Variants in SEC22A observed in about 807,000 individuals in gnomAD.
SEC22A encodes the protein SEC22 homolog A, vesicle trafficking protein.
SEC22A carries 22 observed loss-of-function variants against 35.3 expected under a neutral mutation model. That is an observed-to-expected ratio of 0.62 (90% CI 0.45 to 0.89). The LOEUF is 0.89. SEC22A is among the 40% of genes least tolerant of loss of function. SEC22A has a pLI of 0.00. For missense variants in SEC22A, 354 were observed against 362.5 expected, an observed-to-expected ratio of 0.98 and a Z score of 0.19; for synonymous variants, 119 against 129.5, an observed-to-expected ratio of 0.92 and a Z score of 0.55.
chr3:123,214,168 C>A (rs1456221097), intron 2 of SEC22A, among the ~76,000 whole-genome samples: 2 of 152,188 alleles, frequency 1.3e-5, no homozygotes, highest in East Asian at 3.9e-4. Context: ...GCACTCCAGC[C>A]TGGGCAACAG....
chr3:123,241,496 T>C (rs1315876211), intron 4 of SEC22A, among the ~76,000 whole-genome samples: 4 of 152,212 alleles, frequency 2.6e-5, no homozygotes, highest in African/African-American at 9.6e-5. Flanking sequence ...TAAGGACTAT[T>C]CTGGGACTTT....
At chr3:123,232,394 G>A (rs1030865437) in intron 4 of SEC22A, among the ~76,000 whole-genome samples, 1 of 152,130 alleles carries the variant, frequency 6.6e-6, no homozygotes, top group African/African-American at 2.4e-5. Flanking sequence ...TGGTAATGAT[G>A]CAAGAAGATA....
intron 1 of SEC22A, among the ~76,000 whole-genome samples, chr3:123,202,434 A>G (rs1936765984): frequency 6.6e-6 from 1 of 152,196 alleles, no homozygotes; most frequent in African/African-American, 2.4e-5. Flanking sequence ...TCTTTTAGGC[A>G]GAATGGGACT....
chr3:123,234,615 TG>T (rs1435940343), intron 4 of SEC22A, among the ~76,000 whole-genome samples: 2 of 147,608 alleles, frequency 1.4e-5, no homozygotes, highest in African/African-American at 2.5e-5. Context: ...TTAATTAAAA[TG>T]TATCAAAAAC....
intron 6 of SEC22A, among the ~76,000 whole-genome samples, chr3:123,267,134 T>C (rs961086748): frequency 6.6e-6 from 1 of 152,184 alleles, no homozygotes. Flanking sequence ...CTTTGAACTT[T>C]CCTATGTTAT....
intron 2 of SEC22A, among the ~76,000 whole-genome samples, chr3:123,221,188 A>G (rs1937116572): frequency 6.6e-6 from 1 of 152,010 alleles, no homozygotes; most frequent in Non-Finnish European, 1.5e-5. Context: ...ATTACTGTGT[A>G]GGCCGGGCGT....
intron 4 of SEC22A, among the ~76,000 whole-genome samples, chr3:123,239,194 T>C (rs1576495229): frequency 6.6e-6 from 1 of 152,168 alleles, no homozygotes; most frequent in Non-Finnish European, 1.5e-5. Flanking sequence ...TTTGTTATAC[T>C]CACTGATCCC....
intron 2 of SEC22A, among the ~76,000 whole-genome samples, chr3:123,209,836 T>A (rs2108028513): frequency 6.6e-6 from 1 of 152,298 alleles, no homozygotes; most frequent in Non-Finnish European, 1.5e-5. Flanking sequence ...TGACTATTTA[T>A]TGTGGTCAAG....
intron 2 of SEC22A, among the ~76,000 whole-genome samples, chr3:123,218,543 C>G (rs111994231): frequency 6.6e-6 from 1 of 152,038 alleles, no homozygotes; most frequent in East Asian, 1.9e-4. Flanking sequence ...TAGCCATTCT[C>G]GGGGTACTCA....
At chr3:123,204,919 T>C (rs2108021996) in intron 1 of SEC22A, 1 of 152,350 alleles carries the variant, frequency 6.6e-6, no homozygotes, top group Admixed American at 6.5e-5. Context: ...CTTTCCACAG[T>C]TCCACTGGTT....
chr3:123,269,215 G>T (rs59253175), intron 6 of SEC22A, among the ~76,000 whole-genome samples: 10 of 136,782 alleles, frequency 7.3e-5, no homozygotes, highest in Admixed American at 6.6e-4. Context: ...GTGTGTGTGT[G>T]TATATATTAC....
chr3:123,229,875 A>AAATAAAT (rs1559755965), intron 4 of SEC22A, among the ~76,000 whole-genome samples: 3 of 150,858 alleles, frequency 2.0e-5, no homozygotes, highest in African/African-American at 4.9e-5. Flanking sequence ...AAAAAAAAAT[A>AAATAAAT]AATAATAATA....
chr3:123,236,734 TA>T (rs1432723694), intron 4 of SEC22A, among the ~76,000 whole-genome samples: 1 of 152,004 alleles, frequency 6.6e-6, no homozygotes, highest in Non-Finnish European at 1.5e-5. Context: ...ATTTTGAAAA[TA>T]AAATGTTTGG....
rs1190837720 is a variant in SEC22A at position 123,271,672 on chromosome 3, C to G, written c.874C>G (p.Gln292Glu). The G allele has an allele frequency of 6.2e-7, 1 of 1,614,056 alleles. No homozygotes were observed. Among genetic ancestry groups the G allele is most frequent in the Non-Finnish European group, 8.5e-7 (1 of 1,180,034 alleles). The change falls in exon 7 of 7, where the codon CAG becomes GAG. Residue 292 changes from glutamine to glutamate, a missense_variant. By Grantham distance (29) the Gln-to-Glu change is conservative (BLOSUM62 2). Coordinates refer to ENST00000492595, the MANE Select transcript of SEC22A (RefSeq NM_012430.5). Reference sequence around the variant, plus strand: ...GACTGTGGGAGCATTTGTTACACTACAGATCTGGCTAAGGCAAGCCCAGGG... The same window carrying G: ...GACTGTGGGAGCATTTGTTACACTAGAGATCTGGCTAAGGCAAGCCCAGGG... The part of the protein sequence containing the change: ...HVTVGAFVTL[Q>E]IWLRQAQGKA...
At chr3:123,247,631 T>C (rs1426384332) in intron 5 of SEC22A, among the ~76,000 whole-genome samples, 1 of 152,222 alleles carries the variant, frequency 6.6e-6, no homozygotes, top group Non-Finnish European at 1.5e-5. Flanking sequence ...GTTCCTTGTC[T>C]TCCCTCTGAT....
intron 4 of SEC22A, among the ~76,000 whole-genome samples, chr3:123,234,620 C>A (rs1342282689): frequency 6.9e-6 from 1 of 145,092 alleles, no homozygotes; most frequent in East Asian, 2.0e-4. Context: ...TAAAATGTAT[C>A]AAAAACTTAA....
At chr3:123,242,853 G>A (rs1285758327) in intron 4 of SEC22A, among the ~76,000 whole-genome samples, 2 of 152,162 alleles carry the variant, frequency 1.3e-5, no homozygotes, top group African/African-American at 4.8e-5. Context: ...GGGTAAATGA[G>A]ACAATGGGTG....
intron 4 of SEC22A, among the ~76,000 whole-genome samples, chr3:123,238,991 T>C (rs1438371107): frequency 6.6e-6 from 1 of 152,242 alleles, no homozygotes; most frequent in African/African-American, 2.4e-5. Flanking sequence ...TTTGCCATTC[T>C]TTTTTCATCT....
intron 1 of SEC22A, among the ~76,000 whole-genome samples, chr3:123,205,055 AAAAC>A (rs1257245673): frequency 6.6e-6 from 1 of 152,140 alleles, no homozygotes; most frequent in Non-Finnish European, 1.5e-5. Context: ...AGTTTAAAAA[AAAAC>A]AAACTATATT....
Sources: gnomAD v4.1 joint callset for allele counts (sites outside exome capture counted in the v4.1 genomes callset) on GRCh38, gnomAD v4.1.1 for gene constraint, MANE v1.5 for transcripts, NCBI Gene and HGNC (gene_info 2026-07-23, HGNC 2026-07-21) for gene names.